VPS13D: variants seen among roughly 807,000 people sequenced by gnomAD.
VPS13D encodes the protein intermembrane lipid transfer protein VPS13D.
In VPS13D, 187 loss-of-function variants were observed where a neutral mutation model predicts 461.9. The observed-to-expected ratio is 0.40, with a 90% CI of 0.36 to 0.46. VPS13D has a LOEUF of 0.46. VPS13D is among the 20% of genes least tolerant of loss of function. The pLI is 0.60. For synonymous variants in VPS13D, 1,951 were observed against 1,986.3 expected (o/e 0.98, Z 0.47); for missense variants, 4,711 against 5,364.9 (o/e 0.88, Z 3.81).
intron 19 of VPS13D, 111 bp downstream of exon 19, chr1:12,278,149 T>G: frequency 2.6e-6 from 3 of 1,147,198 alleles, no homozygotes; most frequent in Non-Finnish European, 3.6e-6. Context: ...AGAATAATCC[T>G]CAGTTAATAT....
At chr1:12,251,197 C>T (rs1224888909) in intron 6 of VPS13D, among the ~76,000 whole-genome samples, 2 of 152,280 alleles carry the variant, frequency 1.3e-5, no homozygotes, top group East Asian at 1.9e-4. Context: ...CTCTGTGGCC[C>T]TTTATGGAAG....
chr1:12,352,837 C>T (rs1643825935), intron 46 of VPS13D, among the ~76,000 whole-genome samples: 1 of 151,780 alleles, frequency 6.6e-6, no homozygotes, highest in Non-Finnish European at 1.5e-5. Context: ...TGGTGGTGCA[C>T]TCCTGTAATC....
chr1:12,403,949 C>T lies in VPS13D; in HGVS notation c.12006C>T (p.Ser4002=), dbSNP rs764265090. The change falls in exon 63 of 70, where the codon TCC becomes TCT. Residue 4002 remains serine, a synonymous_variant. Coordinates refer to ENST00000620676, the MANE Select transcript of VPS13D (RefSeq NM_015378.4). ...AGATCAAGCTAAGTGTGTTCACCTC[C>T]AACAAGCTCCCATTGGATCTTAAGG... ...IPQIKLSVFT[S]NKLPLDLKAL... is the part of the protein sequence containing the mutation. 6.2e-7 allele frequency: 1 copy of T among 1,602,834 alleles called. No homozygotes were observed. The highest frequency in any genetic ancestry group is 1.1e-5 in the South Asian group (1 of 87,674).
At chr1:12,355,517 T>C (rs1643877574) in intron 47 of VPS13D, among the ~76,000 whole-genome samples, 1 of 152,226 alleles carries the variant, frequency 6.6e-6, no homozygotes, top group Admixed American at 6.5e-5. Flanking sequence ...TGTATATGTA[T>C]TGAGACATCT....
At chr1:12,479,060 C>A (rs1455370483) in intron 67 of VPS13D, among the ~76,000 whole-genome samples, 1 of 152,220 alleles carries the variant, frequency 6.6e-6, no homozygotes, top group Non-Finnish European at 1.5e-5. Context: ...TTCTCACTGT[C>A]CGAGGCCGGT....
chr1:12,280,902 A>C (rs1338390014), intron 20 of VPS13D, among the ~76,000 whole-genome samples: 6 of 152,076 alleles, frequency 3.9e-5, no homozygotes, highest in Non-Finnish European at 7.4e-5. Context: ...AATTATTTGA[A>C]TTCTTTAATA....
chr1:12,345,781 C>G (rs1312453842), intron 43 of VPS13D, among the ~76,000 whole-genome samples: 2 of 152,208 alleles, frequency 1.3e-5, no homozygotes, highest in African/African-American at 4.8e-5. Context: ...TGGCAGTTTA[C>G]TAGTCTGCTG....
chr1:12,505,959 TC>T lies in VPS13D; in HGVS notation c.12795-892del, dbSNP rs747232725. Among the ~76,000 whole-genome samples the T allele has an allele frequency of 3.9e-5, 6 of 152,176 alleles. No homozygotes were observed. Among genetic ancestry groups the T allele is most frequent in the African/African-American group, 7.2e-5 (3 of 41,452 alleles). On this transcript the variant is annotated intron_variant, in intron 68 of 69. Transcript: ENST00000620676. This position sits in a 1 kb window ranked among gnomAD's most constrained non-coding sequence, Gnocchi z 4.2. ...TTCTGGACCCAGGTTTCAGAACACT[TC>T]CAGGTGGAGCCTGGCTCTGAGCAAT...
chr1:12,326,708 A>T (rs186064259), intron 35 of VPS13D, among the ~76,000 whole-genome samples: 1 of 151,700 alleles, frequency 6.6e-6, no homozygotes, highest in African/African-American at 2.4e-5. Context: ...CAGTGGTGCA[A>T]TCTTGGCTCC....
At chr1:12,461,701 C>T (rs986571980) in intron 67 of VPS13D, among the ~76,000 whole-genome samples, 1 of 152,110 alleles carries the variant, frequency 6.6e-6, no homozygotes, top group African/African-American at 2.4e-5. Context: ...CCTAAGAGTT[C>T]CCAAAGAAGC....
intron 67 of VPS13D, among the ~76,000 whole-genome samples, chr1:12,461,989 C>T (rs942726353): frequency 5.3e-5 from 8 of 152,102 alleles, no homozygotes; most frequent in African/African-American, 1.7e-4. Flanking sequence ...TTCAACATTG[C>T]CACAGAAGTT....
Position 12,400,962 on chromosome 1 carries a change from GCACACA to G in VPS13D, c.11785-609_11785-604del, listed in dbSNP as rs55998605. 5.7e-3 allele frequency among the ~76,000 whole-genome samples: 603 copies of G among 106,292 alleles called. 2 individuals carry two copies. Among genetic ancestry groups the G allele is most frequent in the African/African-American group, 0.013 (387 of 29,782 alleles). The allele number at this position is 106,292 out of a possible 152,430, so 69.7% of individuals were successfully genotyped here. A position where few individuals can be genotyped will look rare whatever the true frequency, so the allele number is the denominator to read the frequency against. On this transcript the variant is annotated intron_variant, in intron 61 of 69. Coordinates refer to ENST00000620676, the MANE Select transcript of VPS13D (RefSeq NM_015378.4). ...GAGTGAGATGTGCACCTGCGCGCGC[GCACACA>G]CACACACACACACACACACACACAC...
chr1:12,492,841 G>C (rs1410179503), intron 67 of VPS13D, among the ~76,000 whole-genome samples: 1 of 152,174 alleles, frequency 6.6e-6, no homozygotes, highest in Non-Finnish European at 1.5e-5. Context: ...AAGAATACCT[G>C]AATCTTAGCA....
intron 6 of VPS13D, among the ~76,000 whole-genome samples, chr1:12,249,839 C>T (rs550925071): frequency 1.8e-4 from 28 of 152,310 alleles, no homozygotes; most frequent in African/African-American, 6.5e-4. Context: ...TTCCCCCACA[C>T]GCCAAGCAGT....
intron 65 of VPS13D, among the ~76,000 whole-genome samples, chr1:12,430,305 C>T (rs1359990484): frequency 2.0e-5 from 3 of 152,106 alleles, no homozygotes; most frequent in African/African-American, 4.8e-5. Flanking sequence ...CCCCATTTGA[C>T]GGATAAAGAA....
chr1:12,273,239 T>C, intron 18 of VPS13D, 104 bp downstream of exon 18: 1 of 1,385,490 alleles, frequency 7.2e-7, no homozygotes, highest in Non-Finnish European at 9.6e-7. Context: ...AACATTTTTA[T>C]ATGTAACATT....
At chr1:12,245,554 T>C (rs1441473434) in intron 5 of VPS13D, among the ~76,000 whole-genome samples, 2 of 152,154 alleles carry the variant, frequency 1.3e-5, no homozygotes. Flanking sequence ...ATTTTTATCA[T>C]CCCAACAGGT....
At chr1:12,353,532 C>CAAAAA (rs79787458) in intron 46 of VPS13D, among the ~76,000 whole-genome samples, 6 of 36,272 alleles carry the variant, frequency 1.7e-4, no homozygotes, top group East Asian at 7.5e-4. Flanking sequence ...GACTGCATCT[C>CAAAAA]AAAAAAAAAA....
chr1:12,243,189 A>G (rs891714077), intron 3 of VPS13D, among the ~76,000 whole-genome samples: 23 of 152,140 alleles, frequency 1.5e-4, no homozygotes, highest in South Asian at 1.0e-3. Flanking sequence ...TCCTGACCTC[A>G]GGTGATCTGC....
Sources: allele counts gnomAD v4.1 joint callset (sites outside exome capture counted in the v4.1 genomes callset), GRCh38; gene constraint gnomAD v4.1.1; non-coding constraint Gnocchi (gnomAD v3.1); transcripts MANE v1.5; gene names NCBI Gene and HGNC (gene_info 2026-07-23, HGNC 2026-07-21).